SARDH: variants seen among roughly 807,000 people sequenced by gnomAD.
SARDH encodes sarcosine dehydrogenase.
In SARDH, 95 loss-of-function variants were observed where a neutral mutation model predicts 109.1. The ratio of observed to expected loss-of-function variants is 0.87; its 90% CI spans 0.74 to 1.03. The LOEUF (loss-of-function observed/expected upper bound fraction) is 1.03. Among genes scored for constraint, SARDH ranks in the 50% least tolerant of loss-of-function variants. The pLI, the probability that SARDH is intolerant of heterozygous loss-of-function variation, is 0.00. For synonymous variants in SARDH, 572 were observed against 534.8 expected (o/e 1.07, Z -0.96); for missense variants, 1,267 against 1,287.8 (o/e 0.98, Z 0.25).
intron 10 of SARDH, among the ~76,000 whole-genome samples, chr9:133,710,205 G>C (rs1050346105): frequency 2.6e-5 from 4 of 152,236 alleles, no homozygotes; most frequent in Non-Finnish European, 5.9e-5. Context: ...CATGAGCCTC[G>C]AGTGCGCTCC....
chr9:133,680,198 G>A (rs1001300146), intron 17 of SARDH, among the ~76,000 whole-genome samples: 4 of 152,262 alleles, frequency 2.6e-5, no homozygotes, highest in African/African-American at 9.6e-5. Flanking sequence ...TAGACTCCGT[G>A]CTACAGGTGG....
chr9:133,736,808 C>A (rs1832900155), intron 1 of SARDH, among the ~76,000 whole-genome samples: 1 of 152,152 alleles, frequency 6.6e-6, no homozygotes, highest in South Asian at 2.1e-4. Flanking sequence ...CTGGGATCTG[C>A]AGGAAAAGTG....
intron 7 of SARDH, 137 bp from the exon 8 acceptor site, chr9:133,717,592 C>T (rs1026869014): frequency 1.5e-5 from 19 of 1,281,926 alleles, no homozygotes; most frequent in African/African-American, 1.2e-4. Flanking sequence ...GTCACCCACA[C>T]GTCCCAGCCG....
In SARDH at chr9:133,671,715, G is replaced by A. The variant is rs1165883633; in HGVS notation, c.2164-18C>T. On this transcript the variant is annotated intron_variant, in intron 17 of 20. Coordinates refer to ENST00000439388, the MANE Select transcript of SARDH (RefSeq NM_001134707.2). ...GCTCGGACCTGGGGGACAAGGTCAT[G>A]GCTTAGATGTGGCCATGTAAGATGG... 5.8e-6 allele frequency: 9 copies of A among 1,555,074 alleles called. No individual in the cohort carries two copies. Among genetic ancestry groups the A allele is most frequent in the Non-Finnish European group, 7.8e-6 (9 of 1,149,100 alleles).
intron 12 of SARDH, 61 bp from the exon 13 acceptor site, chr9:133,703,090 A>G (rs1831553297): frequency 6.9e-7 from 1 of 1,440,464 alleles, no homozygotes; most frequent in Non-Finnish European, 9.6e-7. Context: ...TTCCCTCCCC[A>G]GAGCGGGGTC....
chr9:133,664,035 G>A (rs1829971106), intron 20 of SARDH, 21 bp from the exon 21 acceptor site: 3 of 1,613,394 alleles, frequency 1.9e-6, no homozygotes, highest in Non-Finnish European at 1.7e-6. Context: ...AGGTGGGGAT[G>A]AGGATCACTC....
At chr9:133,726,467 A>T (rs934302838) in intron 6 of SARDH, among the ~76,000 whole-genome samples, 5 of 151,888 alleles carry the variant, frequency 3.3e-5, no homozygotes, top group African/African-American at 9.7e-5. Context: ...AGCCAGCCCC[A>T]GAGTTCCATA....
intron 4 of SARDH, among the ~76,000 whole-genome samples, 155 bp from the exon 5 acceptor site, chr9:133,730,342 C>G (rs973993764): frequency 6.6e-6 from 1 of 152,110 alleles, no homozygotes; most frequent in African/African-American, 2.4e-5. Context: ...AACCGGATGA[C>G]CACAGCGCCA....
intron 20 of SARDH, among the ~76,000 whole-genome samples, chr9:133,665,763 C>CT (rs1435551351): frequency 4.6e-5 from 7 of 152,348 alleles, no homozygotes; most frequent in Non-Finnish European, 8.8e-5. Flanking sequence ...GCAGCTCTTG[C>CT]TAAGGCTGCT....
At chr9:133,703,080 TTCC>T in intron 12 of SARDH, 51 bp from the exon 13 acceptor site, 1 of 1,496,790 alleles carries the variant, frequency 6.7e-7, no homozygotes, top group Non-Finnish European at 9.2e-7. Context: ...CCCTCCCCGC[TTCC>T]CTCCCCAGAG....
rs116950102 is a variant in SARDH, at chr9:133,710,715, G to A, written c.1328+1904C>T. ...GGGTCTGTGTCTTGTCTCAGTCCCC[G>A]GGCGCAGGCCCGAGGTGGCAGAACA... On this transcript the variant is annotated intron_variant, in intron 10 of 20. Transcript: ENST00000439388. Among the ~76,000 whole-genome samples, 156 of 152,384 alleles carry A rather than the reference G, an allele frequency of 1.0e-3. 4 individuals are homozygous for A. The East Asian group carries it at 0.027, about 26-fold the overall frequency.
At chr9:133,714,557 T>G (rs694357) in intron 8 of SARDH, among the ~76,000 whole-genome samples, 42,589 of 152,044 alleles carry the variant, frequency 0.28, 6,520 homozygotes, top group African/African-American at 0.38. Flanking sequence ...GGCAGGCGGA[T>G]GTCTGGAGCC....
chr9:133,714,305 GC>G (rs1162657770), intron 8 of SARDH, among the ~76,000 whole-genome samples: 1 of 152,208 alleles, frequency 6.6e-6, no homozygotes, highest in Admixed American at 6.5e-5. Flanking sequence ...GCCAGGAGAG[GC>G]AGGGCTCCTT....
chr9:133,661,343 AAAAAAACAACAACAAC>A (rs923139660), downstream of SARDH, among the ~76,000 whole-genome samples: 3 of 150,298 alleles, frequency 2.0e-5, no homozygotes, highest in Non-Finnish European at 4.4e-5. Flanking sequence ...CTGTCTCAAA[AAAAAAACAACAACAAC>A]AAAAAAAAAC....
At chr9:133,735,731 C>A (rs1005583844) in intron 1 of SARDH, among the ~76,000 whole-genome samples, 12 of 152,212 alleles carry the variant, frequency 7.9e-5, no homozygotes, top group African/African-American at 2.4e-4. Flanking sequence ...AAAAAACACA[C>A]CCCTCGGTGG....
chr9:133,712,693 A>G lies in SARDH; in HGVS notation c.1254T>C (p.Gly418=). The G allele has an allele frequency of 6.2e-7, 1 of 1,608,852 alleles. No individual in the cohort carries two copies. Among genetic ancestry groups the G allele is most frequent in the Non-Finnish European group, 8.5e-7 (1 of 1,179,864 alleles). ...GFNSAGMMLG[G]GCGQELAHWI... The stretch of plus-strand genomic sequence containing the variant: ...AGTGGGCCAGCTCCTGCCCACAGCC[A>G]CCACCCAGCATCATTCCTGGCAGGA... Residue 418 remains glycine, a synonymous_variant, in exon 10 of 21, where the codon GGT becomes GGC. Transcript: ENST00000439388. The surrounding 1 kb of genome is among the most constrained non-coding windows in gnomAD (Gnocchi z 4.1).
rs528356209 is a variant in SARDH, at chr9:133,709,820, G to A, written c.1329-1392C>T. On this transcript the variant is annotated intron_variant, in intron 10 of 20. Coordinates refer to ENST00000439388, the MANE Select transcript of SARDH (RefSeq NM_001134707.2). The surrounding 1 kb of genome is among the most constrained non-coding windows in gnomAD (Gnocchi z 4.2). Reference sequence around the variant, plus strand: ...TTCACGCAGGGGGAAACTGAGGCTCGGAAGGGTCTCACAAGTGTTCACAGT... The same window carrying A: ...TTCACGCAGGGGGAAACTGAGGCTCAGAAGGGTCTCACAAGTGTTCACAGT... Among the ~76,000 whole-genome samples, 11 of 152,098 alleles carry A rather than the reference G, an allele frequency of 7.2e-5. No homozygotes were observed. The East Asian group carries it at 1.2e-3, about 16-fold the overall frequency.
At chr9:133,674,335 C>T (rs1564237021) in intron 17 of SARDH, among the ~76,000 whole-genome samples, 2 of 152,216 alleles carry the variant, frequency 1.3e-5, no homozygotes, top group African/African-American at 4.8e-5. Context: ...GGGTTGGGTG[C>T]GTGTGCACCA....
intron 18 of SARDH, 152 bp from the exon 19 acceptor site, chr9:133,670,904 C>G (rs1395598540): frequency 1.7e-6 from 2 of 1,176,062 alleles, no homozygotes; most frequent in Admixed American, 6.6e-5. Context: ...AGGGGCATCC[C>G]CAACTCCAGA....
Sources: gnomAD v4.1 joint callset for allele counts (sites outside exome capture counted in the v4.1 genomes callset) on GRCh38, gnomAD v4.1.1 for gene constraint, Gnocchi (gnomAD v3.1) non-coding constraint, MANE v1.5 for transcripts, NCBI Gene and HGNC (gene_info 2026-07-23, HGNC 2026-07-21) for gene names.